Variants in ASTN2 observed in about 807,000 individuals in gnomAD.
The protein encoded by ASTN2 is astrotactin 2, also known as astrotactin-2.
ASTN2 carries 54 observed loss-of-function variants against 139.8 expected under a neutral mutation model. The observed-to-expected ratio is 0.39, with a 90% CI of 0.31 to 0.48. The LOEUF (loss-of-function observed/expected upper bound fraction) is 0.48. Among genes scored for constraint, ASTN2 ranks in the 20% least tolerant of loss-of-function variants. The pLI, the probability that ASTN2 is intolerant of heterozygous loss-of-function variation, is 0.95. For missense variants in ASTN2, 1,565 were observed against 1,725.1 expected (o/e 0.91, Z 1.64); for synonymous variants, 756 against 719.5 (o/e 1.05, Z -0.81).
chr9:117,128,805 C>T (rs1829762325), intron 4 of ASTN2, among the ~76,000 whole-genome samples: 1 of 152,254 alleles, frequency 6.6e-6, no homozygotes, highest in South Asian at 2.1e-4. Context: ...AGAAGCCTCA[C>T]AATCATGGCG....
chr9:116,467,284 T>C (rs1848675856), intron 20 of ASTN2, among the ~76,000 whole-genome samples: 1 of 152,146 alleles, frequency 6.6e-6, no homozygotes, highest in Non-Finnish European at 1.5e-5. Context: ...TTTTCTTCTT[T>C]TGAGACAGAG....
At chr9:116,622,711 A>G (rs4837684) in intron 17 of ASTN2, among the ~76,000 whole-genome samples, 74,844 of 152,098 alleles carry the variant, frequency 0.49, 18,718 homozygotes, top group East Asian at 0.72. Context: ...TTAAAACACA[A>G]GGTGCTCAGT....
chr9:116,809,268 TAGTGTG>T (rs1446031741), intron 12 of ASTN2, among the ~76,000 whole-genome samples: 2 of 152,216 alleles, frequency 1.3e-5, no homozygotes, highest in Non-Finnish European at 2.9e-5. Context: ...GTTTTGAATG[TAGTGTG>T]AGTGTTTATT....
In ASTN2 at chr9:116,689,587, G is replaced by A. The variant is rs934487347; in HGVS notation, c.2806+36184C>T. On this transcript the variant is annotated intron_variant, in intron 16 of 22. Transcript: ENST00000313400. ...CTCATACCCAGATCTCTGTAACTCC[G>A]TATATTCCCGCTTTCCTTGCTTCTT... Among the ~76,000 whole-genome samples, 5 of 152,138 alleles carry A rather than the reference G, an allele frequency of 3.3e-5. 1 individual carries two copies. The South Asian group carries it at 6.2e-4, about 19-fold the overall frequency.
intron 5 of ASTN2, among the ~76,000 whole-genome samples, chr9:117,045,467 A>G (rs62564933): frequency 0.27 from 40,480 of 151,798 alleles, 5,537 homozygotes; most frequent in Middle Eastern, 0.4. Flanking sequence ...ACTGGAGAAA[A>G]TTAATAATCT....
chr9:116,736,985 C>G (rs1828942724), intron 13 of ASTN2, among the ~76,000 whole-genome samples: 1 of 152,156 alleles, frequency 6.6e-6, no homozygotes, highest in African/African-American at 2.4e-5. Context: ...TCAGGACACC[C>G]CTTCTCGGAG....
At chr9:116,756,590 C>T (rs1829537858) in intron 13 of ASTN2, among the ~76,000 whole-genome samples, 1 of 152,070 alleles carries the variant, frequency 6.6e-6, no homozygotes, top group Non-Finnish European at 1.5e-5. Flanking sequence ...TTAGCTCTGG[C>T]ACCTATTCAG....
intron 19 of ASTN2, among the ~76,000 whole-genome samples, chr9:116,616,135 C>T (rs987713783): frequency 3.9e-5 from 6 of 152,148 alleles, no homozygotes; most frequent in Admixed American, 1.3e-4. Flanking sequence ...TCTCTGTATG[C>T]AGATGACATG....
At chr9:116,463,746 C>G (rs750176112) in intron 20 of ASTN2, among the ~76,000 whole-genome samples, 1 of 152,122 alleles carries the variant, frequency 6.6e-6, no homozygotes, top group African/African-American at 2.4e-5. Context: ...GTGTTTCCTA[C>G]TCTATCTTCT....
chr9:116,560,963 T>A (rs1300918088), intron 19 of ASTN2, among the ~76,000 whole-genome samples: 1 of 152,200 alleles, frequency 6.6e-6, no homozygotes, highest in Non-Finnish European at 1.5e-5. Context: ...AAGAAAAATG[T>A]ACATGTGTTG....
At chr9:116,943,932 C>CA (rs1476848092) in intron 10 of ASTN2, among the ~76,000 whole-genome samples, 2 of 152,060 alleles carry the variant, frequency 1.3e-5, no homozygotes, top group Non-Finnish European at 2.9e-5. Flanking sequence ...ATGAAGAAAA[C>CA]AAAGTTCTGC....
chr9:117,380,924 A>G (rs1297381549), intron 1 of ASTN2, among the ~76,000 whole-genome samples: 1 of 152,214 alleles, frequency 6.6e-6, no homozygotes, highest in Non-Finnish European at 1.5e-5. Flanking sequence ...AGGAAAATAA[A>G]AACCTATGTC....
chr9:117,351,122 G>A (rs1451264908), intron 1 of ASTN2, among the ~76,000 whole-genome samples: 2 of 152,100 alleles, frequency 1.3e-5, no homozygotes, highest in Non-Finnish European at 2.9e-5. Flanking sequence ...ATGGGCAACT[G>A]GGAGCAACTG....
At chr9:117,343,359 A>T (rs1016048101) in intron 1 of ASTN2, among the ~76,000 whole-genome samples, 2 of 152,196 alleles carry the variant, frequency 1.3e-5, no homozygotes, top group Admixed American at 6.5e-5. Context: ...ACTCATGCTG[A>T]AGAATCAATT....
At chr9:117,147,570 C>T (rs1830229335) in intron 3 of ASTN2, among the ~76,000 whole-genome samples, 1 of 152,120 alleles carries the variant, frequency 6.6e-6, no homozygotes, top group South Asian at 2.1e-4. Flanking sequence ...TGCTCGCCCT[C>T]TTCAATTTTT....
At chr9:117,255,986 C>A (rs563532098) in intron 2 of ASTN2, among the ~76,000 whole-genome samples, 1 of 152,294 alleles carries the variant, frequency 6.6e-6, no homozygotes, top group Admixed American at 6.5e-5. Flanking sequence ...AAGGGAAAAG[C>A]AAATTTGGTC....
chr9:116,647,750 G>C (rs1325228168), intron 17 of ASTN2, among the ~76,000 whole-genome samples: 1 of 152,166 alleles, frequency 6.6e-6, no homozygotes, highest in African/African-American at 2.4e-5. Context: ...CCAAGTCCCA[G>C]AAGGCCAGTT....
chr9:116,635,378 A>G (rs1459692250), intron 17 of ASTN2, among the ~76,000 whole-genome samples: 1 of 152,188 alleles, frequency 6.6e-6, no homozygotes, highest in Non-Finnish European at 1.5e-5. Flanking sequence ...TCTCTATGAC[A>G]TCTCACTAAA....
chr9:117,413,778 C>T (rs991616297), intron 1 of ASTN2, among the ~76,000 whole-genome samples: 5 of 152,154 alleles, frequency 3.3e-5, no homozygotes, highest in African/African-American at 1.2e-4. Flanking sequence ...AAGGACAAAC[C>T]GGCTCTCTGC....
Sources: gnomAD v4.1 joint callset for allele counts (sites outside exome capture counted in the v4.1 genomes callset) on GRCh38, gnomAD v4.1.1 for gene constraint, MANE v1.5 for transcripts, NCBI Gene and HGNC (gene_info 2026-07-23, HGNC 2026-07-21) for gene names.